Variants in ANKRD12 observed in about 807,000 individuals in gnomAD.
The protein encoded by ANKRD12 is ankyrin repeat domain 12, also known as ankyrin repeat domain-containing protein 12.
Under a neutral mutation model 183.4 loss-of-function variants are expected in ANKRD12, and 85 were observed. That is an observed-to-expected ratio of 0.46 (90% CI 0.39 to 0.56). The LOEUF (loss-of-function observed/expected upper bound fraction) is 0.56, where lower values mean the gene tolerates loss of function less well. Among genes scored for constraint, ANKRD12 ranks in the 20% least tolerant of loss-of-function variants. The pLI, the probability that ANKRD12 is intolerant of heterozygous loss-of-function variation, is 0.00. For missense variants in ANKRD12, 2,405 were observed against 2,357.1 expected, an observed-to-expected ratio of 1.02 and a Z score of -0.42; for synonymous variants, 914 against 800.2, an observed-to-expected ratio of 1.14 and a Z score of -2.40.
chr18:9,137,439 T>C (rs2078149206), intron 1 of ANKRD12: 1 of 145,778 alleles, frequency 6.9e-6, no homozygotes. Flanking sequence ...AGTGTGAGTG[T>C]GCGCGGCCGA....
intron 1 of ANKRD12, among the ~76,000 whole-genome samples, chr18:9,161,246 A>G (rs1453005921): frequency 6.6e-6 from 1 of 152,172 alleles, no homozygotes; most frequent in African/African-American, 2.4e-5. Flanking sequence ...CTTATTGCCC[A>G]GTATGTAGCC....
In ANKRD12 at chr18:9,165,681, T is replaced by C. The variant is rs562650025; in HGVS notation, c.-51-16701T>C. ...TCTTCCATGCTGTACATGACATGTGTCAGAATTTCCCTCCTTTTTTTATTT... is the reference window on the plus strand; with the variant it reads ...TCTTCCATGCTGTACATGACATGTGCCAGAATTTCCCTCCTTTTTTTATTT... On this transcript the variant is annotated intron_variant, in intron 1 of 12. Coordinates refer to ENST00000262126, the MANE Select transcript of ANKRD12 (RefSeq NM_015208.5). Among the ~76,000 whole-genome samples the C allele has an allele frequency of 3.3e-5, 5 of 152,252 alleles. No individual in the cohort carries two copies. In the East Asian group the frequency reaches 9.6e-4, roughly 29 times the overall value.
At chr18:9,267,656 C>A (rs1013302291) in intron 10 of ANKRD12, among the ~76,000 whole-genome samples, 16 of 147,236 alleles carry the variant, frequency 1.1e-4, no homozygotes, top group East Asian at 7.9e-4. Context: ...CTAAATGCCC[C>A]CAAGAGAAAG....
chr18:9,235,049 A>G (rs1281186880), intron 8 of ANKRD12, among the ~76,000 whole-genome samples: 1 of 152,152 alleles, frequency 6.6e-6, no homozygotes, highest in East Asian at 1.9e-4. Flanking sequence ...TAGATACCCT[A>G]TTCAAGGTAT....
chr18:9,154,488 C>T lies in ANKRD12; in HGVS notation c.-52+17523C>T, dbSNP rs538506829. On this transcript the variant is annotated intron_variant, in intron 1 of 12. Coordinates refer to ENST00000262126, the MANE Select transcript of ANKRD12 (RefSeq NM_015208.5). Reference sequence around the variant, plus strand: ...CTGTACTCCTAGCTGCTTGGGCGACCGAGGTGGGCAGATCGCTTGAGCCCA... The same window carrying T: ...CTGTACTCCTAGCTGCTTGGGCGACTGAGGTGGGCAGATCGCTTGAGCCCA... 4.6e-5 allele frequency among the ~76,000 whole-genome samples: 7 copies of T among 152,154 alleles called. No homozygotes were observed. The East Asian group carries it at 1.4e-3, about 29-fold the overall frequency.
Position 9,257,402 on chromosome 18 carries a change from A to G in ANKRD12, c.4135A>G (p.Ser1379Gly). Residue 1379 changes from serine to glycine, a missense_variant, in exon 9 of 13, where the codon AGC (serine) becomes GGC (glycine). This residue lies in a region of ANKRD12 where 1,983 missense variants were observed against 1,725.9 expected (regional missense o/e 1.15). Coordinates refer to ENST00000262126, the MANE Select transcript of ANKRD12 (RefSeq NM_015208.5). ...AACTTCTCCAACTGGAGCTTCAAAC[A>G]GCAAGTATGTTTCAGCTGATAGAAA... ...FATSPTGASNSKYVSADRNLI... is the reference protein window; with the variant it reads ...FATSPTGASNGKYVSADRNLI... 2.5e-6 allele frequency: 4 copies of G among 1,614,152 alleles called. No individual in the cohort carries two copies. Among genetic ancestry groups the G allele is most frequent in the Admixed American group, 1.7e-5 (1 of 60,012 alleles).
chr18:9,212,841 A>G (rs992982721), intron 6 of ANKRD12, among the ~76,000 whole-genome samples: 1 of 151,952 alleles, frequency 6.6e-6, no homozygotes, highest in African/African-American at 2.4e-5. Flanking sequence ...CATGATCAGT[A>G]GTGATGGTAA....
chr18:9,173,266 C>T (rs1485264855), intron 1 of ANKRD12, among the ~76,000 whole-genome samples: 1 of 151,942 alleles, frequency 6.6e-6, no homozygotes, highest in Non-Finnish European at 1.5e-5. Context: ...GATGGGGCTT[C>T]ACAATGTTGG....
intron 9 of ANKRD12, among the ~76,000 whole-genome samples, chr18:9,263,296 T>G (rs1276387706): frequency 6.6e-6 from 1 of 152,230 alleles, no homozygotes; most frequent in African/African-American, 2.4e-5. Context: ...TAATAAAGTT[T>G]GAAAACAATT....
intron 11 of ANKRD12, among the ~76,000 whole-genome samples, chr18:9,278,216 C>T (rs1291684667): frequency 1.3e-5 from 2 of 152,102 alleles, no homozygotes; most frequent in Non-Finnish European, 2.9e-5. Context: ...CCTTTTACAG[C>T]TGGCTTTAGA....
chr18:9,224,177 G>A (rs2036580625), intron 8 of ANKRD12, among the ~76,000 whole-genome samples: 1 of 151,988 alleles, frequency 6.6e-6, no homozygotes, highest in Non-Finnish European at 1.5e-5. Context: ...TAAGAAAATG[G>A]ATAGAACCAC....
intron 1 of ANKRD12, among the ~76,000 whole-genome samples, chr18:9,142,881 C>T (rs975649132): frequency 1.8e-5 from 1 of 56,628 alleles, no homozygotes; most frequent in African/African-American, 5.8e-5. Context: ...GATACTGCCT[C>T]CAAAAAAAAA....
intron 8 of ANKRD12, among the ~76,000 whole-genome samples, chr18:9,242,574 G>C (rs980969175): frequency 2.6e-5 from 4 of 152,140 alleles, no homozygotes; most frequent in African/African-American, 7.2e-5. Flanking sequence ...TGATGGAATA[G>C]CCGAGACTGG....
intron 8 of ANKRD12, chr18:9,235,758 G>T (rs1333481513): frequency 3.6e-5 from 16 of 442,666 alleles, no homozygotes; most frequent in South Asian, 2.4e-4. Flanking sequence ...TTCTTTAACA[G>T]ATATTTTGTG....
chr18:9,258,667 C>G lies in ANKRD12; in HGVS notation c.5400C>G (p.Pro1800=), dbSNP rs375944461. 3 of 1,613,864 alleles carry G rather than the reference C, an allele frequency of 1.9e-6. No homozygotes were observed. Among genetic ancestry groups the G allele is most frequent in the Non-Finnish European group, 2.5e-6 (3 of 1,179,892 alleles). The change falls in exon 9 of 13, where the codon CCC becomes CCG. Residue 1800 remains proline (P), a synonymous_variant. Coordinates refer to ENST00000262126, the MANE Select transcript of ANKRD12 (RefSeq NM_015208.5). ...SRVPQPVQVS[P]SLLQAKEKTQ... ...TACCTCAGCCTGTGCAAGTGAGTCCCTCTTTACTACAAGCAAAAGAGAAAA... is the reference window on the plus strand; with the variant it reads ...TACCTCAGCCTGTGCAAGTGAGTCCGTCTTTACTACAAGCAAAAGAGAAAA...
intron 1 of ANKRD12, among the ~76,000 whole-genome samples, chr18:9,161,031 G>A (rs1031762240): frequency 6.6e-6 from 1 of 151,966 alleles, no homozygotes; most frequent in African/African-American, 2.4e-5. Flanking sequence ...TAGAGATGAG[G>A]TCTCACTATG....
At chr18:9,162,555 G>C (rs1018841589) in intron 1 of ANKRD12, among the ~76,000 whole-genome samples, 3 of 151,972 alleles carry the variant, frequency 2.0e-5, no homozygotes, top group African/African-American at 7.3e-5. Context: ...TATTCCTTTG[G>C]GTATATACCT....
In ANKRD12 at chr18:9,254,380, T is replaced by C; in HGVS notation, c.1113T>C (p.Ile371=). Residue 371 remains isoleucine (I), a synonymous_variant, in exon 9 of 13, where the codon ATT becomes ATC. Coordinates refer to ENST00000262126, the MANE Select transcript of ANKRD12 (RefSeq NM_015208.5). ...YEFKDDDDEE[I]NKMIDDRHIL... ...TCAAAGATGATGATGATGAAGAAAT[T>C]AATAAGATGATTGATGATAGGCATA... is the stretch of plus-strand genomic sequence containing the variant. 6.2e-7 allele frequency: 1 copy of C among 1,608,968 alleles called. No homozygotes were observed. The highest frequency in any genetic ancestry group is 1.1e-5 in the South Asian group (1 of 89,470).
At chr18:9,162,263 G>A (rs575316065) in intron 1 of ANKRD12, among the ~76,000 whole-genome samples, 16 of 140,688 alleles carry the variant, frequency 1.1e-4, no homozygotes, top group East Asian at 4.1e-4. Context: ...TGTTCTCATC[G>A]TTGAGCTCAC....
Sources: allele counts gnomAD v4.1 joint callset (sites outside exome capture counted in the v4.1 genomes callset), GRCh38; gene constraint gnomAD v4.1.1; regional missense constraint gnomAD v4.1.1; transcripts MANE v1.5; gene names NCBI Gene and HGNC (gene_info 2026-07-23, HGNC 2026-07-21).